CREB5: variants seen among roughly 807,000 people sequenced by gnomAD.
CREB5 encodes the protein cyclic AMP-responsive element-binding protein 5.
Under a neutral mutation model 57.1 loss-of-function variants are expected in CREB5, and 19 were observed. That is an observed-to-expected ratio of 0.33 (90% CI 0.23 to 0.49). The LOEUF is 0.49. Among genes scored for constraint, CREB5 ranks in the 20% least tolerant of loss-of-function variants. CREB5 has a pLI of 0.99. For missense variants in CREB5, 579 were observed against 671.6 expected, an observed-to-expected ratio of 0.86 and a Z score of 1.52; for synonymous variants, 238 against 238.3, an observed-to-expected ratio of 1.00 and a Z score of 0.01.
chr7:28,373,021 G>C (rs1786743630), intron 1 of CREB5, among the ~76,000 whole-genome samples: 1 of 152,162 alleles, frequency 6.6e-6, no homozygotes, highest in Non-Finnish European at 1.5e-5. Context: ...GTTTTGCTGA[G>C]TAGTCACAGG....
At chr7:28,469,160 G>T (rs1790711490) in intron 1 of CREB5, among the ~76,000 whole-genome samples, 2 of 152,186 alleles carry the variant, frequency 1.3e-5, no homozygotes, top group Admixed American at 1.3e-4. Flanking sequence ...GTTCGAGGCT[G>T]CAATGAGCCG....
chr7:28,580,429 C>CCACACACACACACACACA (rs70977058), intron 5 of CREB5, among the ~76,000 whole-genome samples: 2 of 130,878 alleles, frequency 1.5e-5, no homozygotes, highest in Admixed American at 7.5e-5. Flanking sequence ...TCCCCCCCCA[C>CCACACACACACACACACA]CACACACACA....
chr7:28,573,207 G>A (rs1023050477), intron 5 of CREB5, among the ~76,000 whole-genome samples: 8 of 152,168 alleles, frequency 5.3e-5, no homozygotes, highest in Non-Finnish European at 7.3e-5. Context: ...TTGAAAACAC[G>A]AGTTCCCTCT....
intron 1 of CREB5, among the ~76,000 whole-genome samples, chr7:28,479,316 C>G (rs1351754119): frequency 6.6e-6 from 1 of 152,210 alleles, no homozygotes; most frequent in Non-Finnish European, 1.5e-5. Flanking sequence ...CCCCTTCCCA[C>G]TAAATGCCAG....
At chr7:28,531,143 T>C (rs1793711214) in intron 4 of CREB5, among the ~76,000 whole-genome samples, 1 of 152,140 alleles carries the variant, frequency 6.6e-6, no homozygotes, top group Non-Finnish European at 1.5e-5. Context: ...CCAGGCCTGC[T>C]TGTCTTATAT....
At chr7:28,524,578 A>T (rs940559383) in intron 4 of CREB5, among the ~76,000 whole-genome samples, 2 of 152,212 alleles carry the variant, frequency 1.3e-5, no homozygotes, top group African/African-American at 2.4e-5. Context: ...TAACATAGTT[A>T]TTGGTTAATA....
chr7:28,744,457 C>A (rs545065970), intron 7 of CREB5, among the ~76,000 whole-genome samples: 95 of 147,868 alleles, frequency 6.4e-4, no homozygotes, highest in African/African-American at 2.3e-3. Context: ...AAGCGATTCT[C>A]GTGCCTCAGC....
rs764603692 is a variant in CREB5, at chr7:28,412,962, T to A, written c.3+45T>A. 7 of 1,387,890 alleles carry A rather than the reference T, an allele frequency of 5.0e-6. No individual in the cohort carries two copies. In the South Asian group the frequency reaches 6.0e-5, roughly 12 times the overall value. The allele number at this position is 1,387,890 out of a possible 1,614,324, so 86.0% of individuals were successfully genotyped here. The stretch of plus-strand genomic sequence containing the variant: ...TGCATATTAAACAGAGAGAAAACTT[T>A]GCACTTAGTTAAATAGAACCAATGT... On this transcript the variant is annotated intron_variant, in intron 1 of 10. Transcript: ENST00000357727.
chr7:28,609,264 G>A (rs917920730), intron 5 of CREB5: 1 of 152,120 alleles, frequency 6.6e-6, no homozygotes, highest in African/African-American at 2.4e-5. Context: ...AGTTTCTTTG[G>A]GGTCCTATGT....
At chr7:28,416,292 T>C (rs1484816525) in intron 1 of CREB5, among the ~76,000 whole-genome samples, 3 of 152,234 alleles carry the variant, frequency 2.0e-5, no homozygotes, top group Admixed American at 6.5e-5. Context: ...GCCAGTTTTA[T>C]GCAGTCCTCT....
intron 4 of CREB5, among the ~76,000 whole-genome samples, chr7:28,563,858 G>A (rs556353674): frequency 1.3e-5 from 2 of 152,136 alleles, no homozygotes; most frequent in Non-Finnish European, 2.9e-5. Flanking sequence ...AATGCTAGGA[G>A]GGAGAGGTGG....
intron 4 of CREB5, among the ~76,000 whole-genome samples, chr7:28,537,501 A>T (rs1794013334): frequency 6.6e-6 from 1 of 152,114 alleles, no homozygotes; most frequent in Non-Finnish European, 1.5e-5. Flanking sequence ...GTGTACAAAG[A>T]TGGGAGATGG....
At chr7:28,432,397 G>A (rs929778756) in intron 1 of CREB5, among the ~76,000 whole-genome samples, 4 of 152,262 alleles carry the variant, frequency 2.6e-5, no homozygotes, top group Non-Finnish European at 2.9e-5. Flanking sequence ...GCTGTCGCTC[G>A]TACGCAGTTT....
At chr7:28,317,284 G>A (rs1033686944) in intron 1 of CREB5, among the ~76,000 whole-genome samples, 3 of 152,164 alleles carry the variant, frequency 2.0e-5, no homozygotes, top group African/African-American at 7.2e-5. Flanking sequence ...AAACCAGGGT[G>A]GGCACCAGCA....
At chr7:28,751,568 GT>G (rs1804975834) in intron 7 of CREB5, among the ~76,000 whole-genome samples, 1 of 152,052 alleles carries the variant, frequency 6.6e-6, no homozygotes, top group South Asian at 2.1e-4. Flanking sequence ...GACACATGTT[GT>G]TTTTTCTTTT....
At chr7:28,702,220 G>T (rs1801898151) in intron 5 of CREB5, among the ~76,000 whole-genome samples, 1 of 152,062 alleles carries the variant, frequency 6.6e-6, no homozygotes, top group Admixed American at 6.5e-5. Context: ...TTGATGCTTG[G>T]GAATTTTATA....
In CREB5 at chr7:28,560,915, C is replaced by CGTGCGTG. The variant is rs1795176213; in HGVS notation, c.292-9447_292-9446insCGTGGTG. ...GTGTGTGCGTGCGCGCGTGCGTGTG[C>CGTGCGTG]GTGTGTGCGCGTGCGTGTGTGCGTG... On this transcript the variant is annotated intron_variant, in intron 4 of 10. Transcript: ENST00000357727. 6.5e-4 allele frequency among the ~76,000 whole-genome samples: 11 copies of CGTGCGTG among 16,902 alleles called. 2 individuals carry two copies. Among genetic ancestry groups the CGTGCGTG allele is most frequent in the African/African-American group, 3.0e-3 (11 of 3,616 alleles). 11.1% of individuals were successfully genotyped at this position (16,902 alleles called of 152,430 possible). A position where few individuals can be genotyped will look rare whatever the true frequency, so the allele number is the denominator to read the frequency against.
chr7:28,306,398 C>T (rs1785182837), intron 1 of CREB5, among the ~76,000 whole-genome samples: 2 of 152,154 alleles, frequency 1.3e-5, no homozygotes, highest in African/African-American at 2.4e-5. Context: ...ACCACTCCAG[C>T]TTCCCTCTGA....
chr7:28,512,669 A>ATG (rs1330374217), intron 4 of CREB5, among the ~76,000 whole-genome samples: 4 of 149,084 alleles, frequency 2.7e-5, no homozygotes, highest in Non-Finnish European at 4.5e-5. Flanking sequence ...GTGTGTGTGT[A>ATG]TGTGTGTGTG....
Sources: allele counts gnomAD v4.1 joint callset (sites outside exome capture counted in the v4.1 genomes callset), GRCh38; gene constraint gnomAD v4.1.1; transcripts MANE v1.5; gene names NCBI Gene and HGNC (gene_info 2026-07-23, HGNC 2026-07-21).